BBC3: variants seen among roughly 807,000 people sequenced by gnomAD.
BBC3 encodes the protein BCL2 binding component 3, also known as bcl-2-binding component 3.
BBC3 carries 5 observed loss-of-function variants against 18.2 expected under a neutral mutation model. The ratio of observed to expected loss-of-function variants is 0.27; its 90% CI spans 0.14 to 0.58. The LOEUF is 0.58. Among genes scored for constraint, BBC3 ranks in the 20% least tolerant of loss-of-function variants. The probability of loss-of-function intolerance (pLI) is 0.91; values close to 1 mark genes in which losing one functional copy is unlikely to be tolerated. For synonymous variants in BBC3, 119 were observed against 128.0 expected (o/e 0.93, Z 0.47); for missense variants, 224 against 268.9 (o/e 0.83, Z 1.17).
chr19:47,228,123 GCTC>G lies in BBC3; in HGVS notation c.274+32_274+34del. ...GAGTCTCCAGCCCTCTCTCTTCCCG[GCTC>G]CTATCACCCCGGGGGCGGGGCGGGC... On this transcript the variant is annotated intron_variant, in intron 2 of 3. Coordinates refer to ENST00000439096, the MANE Select transcript of BBC3 (RefSeq NM_014417.5). This position sits in a 1 kb window ranked among gnomAD's most constrained non-coding sequence, Gnocchi z 5.5. The G allele has an allele frequency of 2.5e-6, 3 of 1,223,856 alleles. No individual in the cohort carries two copies. The highest frequency in any genetic ancestry group is 2.0e-6 in the Non-Finnish European group (2 of 981,108). The allele number at this position is 1,223,856 out of a possible 1,614,324, so 75.8% of individuals were successfully genotyped here. A position where few individuals can be genotyped will look rare whatever the true frequency, so the allele number is the denominator to read the frequency against.
rs2033548730 is a variant in BBC3, at chr19:47,221,506, G to C, written c.*296C>G. On this transcript the variant is annotated 3_prime_UTR_variant, in exon 4 of 4. Transcript: ENST00000439096. ...TTTCCTGAGATGGTGGTGGGCGGCA[G>C]AGGCGGGCGGCTCAGTCCCCACCCC... The C allele has an allele frequency of 2.2e-6, 1 of 452,158 alleles. No individual in the cohort carries two copies. Among genetic ancestry groups the C allele is most frequent in the Non-Finnish European group, 3.8e-6 (1 of 263,368 alleles). The allele number at this position is 452,158 out of a possible 1,614,324, so 28.0% of individuals were successfully genotyped here. A position where few individuals can be genotyped will look rare whatever the true frequency, so the allele number is the denominator to read the frequency against.
intron 1 of BBC3, among the ~76,000 whole-genome samples, chr19:47,229,819 T>C (rs2058887858): frequency 6.7e-6 from 1 of 148,828 alleles, no homozygotes; most frequent in Non-Finnish European, 1.5e-5. Flanking sequence ...CACACATACA[T>C]ACACACACAC....
intron 3 of BBC3, among the ~76,000 whole-genome samples, chr19:47,223,437 C>T (rs1415618916): frequency 2.0e-5 from 3 of 151,230 alleles, no homozygotes; most frequent in Non-Finnish European, 2.9e-5. Flanking sequence ...CCTGGTGGCA[C>T]ACACCTGTAT....
upstream of BBC3, among the ~76,000 whole-genome samples, chr19:47,231,411 C>T (rs1047593727): frequency 1.1e-4 from 17 of 152,076 alleles, no homozygotes; most frequent in Admixed American, 2.6e-4. This position sits in a 1 kb window ranked among gnomAD's most constrained non-coding sequence, Gnocchi z 4.0. Flanking sequence ...AGGGCCTAGC[C>T]CAAGGCAAGG....
At chr19:47,232,443 ACACC>A (rs2058923481), upstream of BBC3, 6 of 1,369,506 alleles carry the variant, frequency 4.4e-6, no homozygotes, top group African/African-American at 1.4e-5. Context: ...TCACAAAGTC[ACACC>A]TGTGACAGCT....
At chr19:47,231,913 G>A (rs969061344), upstream of BBC3, among the ~76,000 whole-genome samples, 2 of 152,144 alleles carry the variant, frequency 1.3e-5, no homozygotes, top group Non-Finnish European at 2.9e-5. The surrounding 1 kb of genome is among the most constrained non-coding windows in gnomAD (Gnocchi z 4.0). Flanking sequence ...ACACAAACTT[G>A]CTGATAGGCA....
chr19:47,230,668 C>G lies in BBC3; in HGVS notation c.-16+261G>C, dbSNP rs1369478894. The G allele has an allele frequency of 1.1e-6, 1 of 950,874 alleles. No individual in the cohort carries two copies. The highest frequency in any genetic ancestry group is 6.2e-5 in the Admixed American group (1 of 16,210). The allele number at this position is 950,874 out of a possible 1,614,324, so 58.9% of individuals were successfully genotyped here. On this transcript the variant is annotated intron_variant, in intron 1 of 3. Transcript: ENST00000439096. This position sits in a 1 kb window ranked among gnomAD's most constrained non-coding sequence, Gnocchi z 6.7. ...GGGCCGCACTGGCCGCCAGGGGGCGCTGCCGAGCCCGCACCCCATTGTTTG... is the reference window on the plus strand; with the variant it reads ...GGGCCGCACTGGCCGCCAGGGGGCGGTGCCGAGCCCGCACCCCATTGTTTG...
chr19:47,225,058 T>G (rs2058795995), intron 3 of BBC3, among the ~76,000 whole-genome samples: 1 of 152,088 alleles, frequency 6.6e-6, no homozygotes, highest in Admixed American at 6.6e-5. Context: ...ATTACAGGCA[T>G]GTGCCACCAC....
intron 3 of BBC3, among the ~76,000 whole-genome samples, chr19:47,224,914 TC>T (rs1312156105): frequency 6.9e-5 from 10 of 145,660 alleles, no homozygotes; most frequent in Admixed American, 2.8e-4. Context: ...ACTTTTTGTT[TC>T]TTTTTTTTTT....
chr19:47,227,814 C>A (rs1380604947), intron 2 of BBC3, among the ~76,000 whole-genome samples: 2 of 152,180 alleles, frequency 1.3e-5, no homozygotes, highest in African/African-American at 4.8e-5. Context: ...TCCCGCTCGG[C>A]CCACTCTCCC....
At chr19:47,226,966 A>G (rs1434365654) in intron 2 of BBC3, 1 of 419,426 alleles carries the variant, frequency 2.4e-6, no homozygotes, top group African/African-American at 2.1e-5. Flanking sequence ...CTGGCCAGCT[A>G]CGTCCCCACG....
At chr19:47,221,964 G>T in intron 3 of BBC3, 46 bp from the exon 4 acceptor site, 1 of 1,515,326 alleles carries the variant, frequency 6.6e-7, no homozygotes, top group South Asian at 1.2e-5. Flanking sequence ...GACTGAGTAT[G>T]GTGATGGGAG....
rs1378783964 is a variant in BBC3, at chr19:47,228,328, A to T, written c.104T>A (p.Val35Glu). ...FPLGRLVPSA[V>E]SCGLCEPGLA... Reference sequence around the variant, plus strand: ...GCCGGGCTCGCAGAGGCCGCAGGACACTGCCGAGGGCACCAGGCGGCCGAG... The same window carrying T: ...GCCGGGCTCGCAGAGGCCGCAGGACTCTGCCGAGGGCACCAGGCGGCCGAG... The change falls in exon 2 of 4, where the codon GTG becomes GAG. Residue 35 changes from valine (V) to glutamate (E), a missense_variant. Val to Glu is a moderately radical substitution (Grantham distance 121). Transcript: ENST00000439096. This position sits in a 1 kb window ranked among gnomAD's most constrained non-coding sequence, Gnocchi z 5.5. 8.1e-7 allele frequency: 1 copy of T among 1,227,712 alleles called. No homozygotes were observed. The highest frequency in any genetic ancestry group is 1.0e-6 in the Non-Finnish European group (1 of 985,720). 76.1% of individuals were successfully genotyped at this position (1,227,712 alleles called of 1,614,324 possible). A position where few individuals can be genotyped will look rare whatever the true frequency, so the allele number is the denominator to read the frequency against.
rs1269053986 is a variant in BBC3, at chr19:47,228,224, C to T, written c.208G>A (p.Ala70Thr). 1.0e-6 allele frequency: 1 copy of T among 956,038 alleles called. No homozygotes were observed. The highest frequency in any genetic ancestry group is 5.0e-5 in the South Asian group (1 of 19,850). The allele number at this position is 956,038 out of a possible 1,614,324, so 59.2% of individuals were successfully genotyped here. A position where few individuals can be genotyped will look rare whatever the true frequency, so the allele number is the denominator to read the frequency against. Reference sequence around the variant, plus strand: ...GGCCAGCGGGAACCCCCCAGGGCGGCGGTGACGGCGGGTGGGGCGGTGGGG... The same window carrying T: ...GGCCAGCGGGAACCCCCCAGGGCGGTGGTGACGGCGGGTGGGGCGGTGGGG... ...CAPTAPPAVT[A>T]ALGGSRWPGG... Residue 70 changes from alanine (A) to threonine (T), a missense_variant, in exon 2 of 4, where the codon GCC becomes ACC. Ala to Thr is a moderately conservative substitution (Grantham distance 58). Transcript: ENST00000439096. The surrounding 1 kb of genome is among the most constrained non-coding windows in gnomAD (Gnocchi z 5.5).
Position 47,230,823 on chromosome 19 carries a change from C to T in BBC3, c.-16+106G>A, listed in dbSNP as rs1429445314. 1 of 985,162 alleles carries T rather than the reference C, an allele frequency of 1.0e-6. No individual in the cohort carries two copies. Among genetic ancestry groups the T allele is most frequent in the African/African-American group, 1.7e-5 (1 of 57,322 alleles). 61.0% of individuals were successfully genotyped at this position (985,162 alleles called of 1,614,324 possible). A position where few individuals can be genotyped will look rare whatever the true frequency, so the allele number is the denominator to read the frequency against. ...TTTGGAGAGGCGCGGTGTGGGGAGG[C>T]AGGGCGCCCACACTGCTCTCCGCCT... On this transcript the variant is annotated intron_variant, in intron 1 of 3. Transcript: ENST00000439096. This position sits in a 1 kb window ranked among gnomAD's most constrained non-coding sequence, Gnocchi z 6.7.
Position 47,226,689 on chromosome 19 carries a change from C to G in BBC3, c.340G>C (p.Ala114Pro), listed in dbSNP as rs552413445. The G allele has an allele frequency of 7.0e-5, 104 of 1,488,398 alleles. 1 individual carries two copies. In the African/African-American group the frequency reaches 1.0e-3, roughly 14 times the overall value. 92.2% of individuals were successfully genotyped at this position (1,488,398 alleles called of 1,614,324 possible). A position where few individuals can be genotyped will look rare whatever the true frequency, so the allele number is the denominator to read the frequency against. The change falls in exon 3 of 4, where the codon GCT (alanine) becomes CCT (proline). Residue 114 changes from alanine to proline, a missense_variant. Ala to Pro is a conservative substitution (Grantham distance 27). Coordinates refer to ENST00000439096, the MANE Select transcript of BBC3 (RefSeq NM_014417.5). ...LESPVPSAPG[A>P]LAGGPTQAAP... ...GCCTGGGTGGGACCGCCCGCCAGAG[C>G]CCCCGGGGCGCTGGGCACGGGCGAC...
intron 2 of BBC3, chr19:47,227,126 G>A (rs2058838180): frequency 5.7e-6 from 1 of 174,994 alleles, no homozygotes; most frequent in Non-Finnish European, 1.2e-5. Flanking sequence ...GTATCCCAAG[G>A]TCACACAGGG....
intron 3 of BBC3, among the ~76,000 whole-genome samples, chr19:47,222,988 A>C (rs1173528262): frequency 7.0e-6 from 1 of 143,072 alleles, no homozygotes; most frequent in Non-Finnish European, 1.5e-5. Context: ...AAAAAAATAC[A>C]GGCCGGGTGC....
chr19:47,227,588 C>T (rs1485942665), intron 2 of BBC3, among the ~76,000 whole-genome samples: 2 of 152,134 alleles, frequency 1.3e-5, no homozygotes, highest in Non-Finnish European at 2.9e-5. Flanking sequence ...GATGGGGCTC[C>T]ACGGGCACCA....
Sources: gnomAD v4.1 joint callset for allele counts (sites outside exome capture counted in the v4.1 genomes callset) on GRCh38, gnomAD v4.1.1 for gene constraint, Gnocchi (gnomAD v3.1) non-coding constraint, MANE v1.5 for transcripts, NCBI Gene and HGNC (gene_info 2026-07-23, HGNC 2026-07-21) for gene names.